Variants in SIL1 observed in about 807,000 individuals in gnomAD.
The protein encoded by SIL1 is nucleotide exchange factor SIL1.
A neutral mutation model predicts 49.1 loss-of-function variants in SIL1; 40 were observed. The ratio of observed to expected loss-of-function variants is 0.81; its 90% confidence interval spans 0.63 to 1.06. The LOEUF is 1.06. Ranked by LOEUF, SIL1 falls within the 50% of genes least tolerant of loss-of-function variation. The probability of loss-of-function intolerance (pLI) is 0.00; values close to 1 mark genes in which losing one functional copy is unlikely to be tolerated. For synonymous variants in SIL1, 253 were observed against 250.8 expected (o/e 1.01, Z -0.08); for missense variants, 500 against 572.6 (o/e 0.87, Z 1.29).
At chr5:138,950,431 G>A (rs1483378569) in intron 9 of SIL1, among the ~76,000 whole-genome samples, 1 of 152,236 alleles carries the variant, frequency 6.6e-6, no homozygotes, top group Non-Finnish European at 1.5e-5. Context: ...GAGAAGGCCT[G>A]GGGGAGGCGT....
At chr5:139,139,038 T>G (rs1751030366) in intron 1 of SIL1, among the ~76,000 whole-genome samples, 1 of 152,144 alleles carries the variant, frequency 6.6e-6, no homozygotes, top group East Asian at 1.9e-4. Context: ...CAGGCCTGTC[T>G]CCAAATTCCT....
chr5:139,082,570 T>G (rs1428678509), intron 3 of SIL1, among the ~76,000 whole-genome samples: 1 of 152,198 alleles, frequency 6.6e-6, no homozygotes, highest in African/African-American at 2.4e-5. Context: ...GAGAAATTGG[T>G]GGAGACTGGT....
Position 138,951,835 on chromosome 5 carries a change from G to A in SIL1, c.817C>T (p.Leu273=). The A allele has an allele frequency of 1.2e-6, 2 of 1,614,088 alleles. No individual in the cohort carries two copies. Among genetic ancestry groups the A allele is most frequent in the Non-Finnish European group, 1.7e-6 (2 of 1,180,040 alleles). The change falls in exon 8 of 10, where the codon CTG becomes TTG. Residue 273 remains leucine, a synonymous_variant. Transcript: ENST00000394817. The stretch of plus-strand genomic sequence containing the variant: ...TGCTCCGTGGCCAGGATGACCAGCA[G>A]CTTCTGCAGGGCTCCCCCTTCGATG... ...EAIEGGALQK[L]LVILATEQPL...
chr5:139,110,080 A>C (rs1770809660), intron 3 of SIL1, among the ~76,000 whole-genome samples: 1 of 151,874 alleles, frequency 6.6e-6, no homozygotes. Flanking sequence ...GAGGCAGGAG[A>C]ATTGCTTGAA....
chr5:139,008,537 C>T (rs1403105188), intron 7 of SIL1, among the ~76,000 whole-genome samples: 2 of 143,608 alleles, frequency 1.4e-5, no homozygotes, highest in Middle Eastern at 6.5e-3. Context: ...TTTTCTAGTT[C>T]TTTTAATTGT....
chr5:138,969,955 G>A (rs1767235164), intron 7 of SIL1, among the ~76,000 whole-genome samples: 1 of 152,144 alleles, frequency 6.6e-6, no homozygotes, highest in Admixed American at 6.5e-5. Flanking sequence ...GGGCACAAGG[G>A]GACAGCTTGA....
intron 3 of SIL1, among the ~76,000 whole-genome samples, chr5:139,068,655 G>GAAAAAAAAAAA (rs745799045): frequency 4.6e-5 from 3 of 64,822 alleles, no homozygotes; most frequent in Admixed American, 1.8e-4. Flanking sequence ...GAATGAAAAG[G>GAAAAAAAAAAA]AAAAAAAAAA....
At chr5:139,068,016 A>G (rs1769744541) in intron 3 of SIL1, among the ~76,000 whole-genome samples, 1 of 152,242 alleles carries the variant, frequency 6.6e-6, no homozygotes, top group South Asian at 2.1e-4. Flanking sequence ...GTCTTCAACA[A>G]AAAAGAGGGA....
At chr5:139,160,970 G>A (rs369742500) in intron 1 of SIL1, among the ~76,000 whole-genome samples, 29 of 152,180 alleles carry the variant, frequency 1.9e-4, no homozygotes, top group African/African-American at 4.3e-4. Flanking sequence ...CAGGCTGGGC[G>A]CGGTGGCTCA....
intron 7 of SIL1, among the ~76,000 whole-genome samples, chr5:138,991,556 C>CT (rs1421114659): frequency 6.6e-6 from 1 of 152,252 alleles, no homozygotes; most frequent in Admixed American, 6.5e-5. Flanking sequence ...AAGACTCCCC[C>CT]AGCAGGCCTT....
chr5:139,088,517 T>A (rs537803786), intron 3 of SIL1, among the ~76,000 whole-genome samples: 2 of 152,308 alleles, frequency 1.3e-5, no homozygotes, highest in Admixed American at 1.3e-4. Context: ...GGGGCAATAA[T>A]GGGAAGAGTC....
At chr5:138,983,550 T>C (rs961537392) in intron 7 of SIL1, among the ~76,000 whole-genome samples, 39 of 149,722 alleles carry the variant, frequency 2.6e-4, no homozygotes, top group African/African-American at 9.1e-4. Context: ...ACCCACCTAG[T>C]AGTCCAGAGG....
chr5:139,098,959 G>A (rs1211864542), intron 3 of SIL1, among the ~76,000 whole-genome samples: 1 of 151,674 alleles, frequency 6.6e-6, no homozygotes, highest in Non-Finnish European at 1.5e-5. Flanking sequence ...TGGGATTACA[G>A]GCACCCACCA....
chr5:138,976,975 C>T (rs1197534781), intron 7 of SIL1, among the ~76,000 whole-genome samples: 1 of 152,182 alleles, frequency 6.6e-6, no homozygotes, highest in African/African-American at 2.4e-5. Flanking sequence ...CACACAGCTT[C>T]TCAAGAGCTA....
At chr5:139,020,314 TA>T (rs1281821184) in intron 7 of SIL1, among the ~76,000 whole-genome samples, 1 of 152,196 alleles carries the variant, frequency 6.6e-6, no homozygotes, top group African/African-American at 2.4e-5. Context: ...GATTCTGATT[TA>T]AAAAACAAGC....
At chr5:138,981,787 C>T (rs1218590051) in intron 7 of SIL1, among the ~76,000 whole-genome samples, 1 of 152,194 alleles carries the variant, frequency 6.6e-6, no homozygotes, top group African/African-American at 2.4e-5. Flanking sequence ...AGCACTTGCT[C>T]TCCCACGCTC....
chr5:139,032,596 C>A (rs139640438), intron 5 of SIL1, among the ~76,000 whole-genome samples: 1 of 152,120 alleles, frequency 6.6e-6, no homozygotes, highest in Non-Finnish European at 1.5e-5. Context: ...GGAAGTGTTC[C>A]TCCCTCTTAC....
chr5:139,125,248 A>C (rs541313151), intron 2 of SIL1, among the ~76,000 whole-genome samples: 2 of 152,202 alleles, frequency 1.3e-5, no homozygotes, highest in Non-Finnish European at 2.9e-5. Flanking sequence ...GCTGCCTTCC[A>C]CGCTGGATCA....
At chr5:139,085,226 A>T (rs748600472) in intron 3 of SIL1, among the ~76,000 whole-genome samples, 5 of 152,166 alleles carry the variant, frequency 3.3e-5, no homozygotes, top group Non-Finnish European at 7.4e-5. Context: ...GGGGAAACAG[A>T]AGCAGTCCCA....
Sources: allele counts gnomAD v4.1 joint callset (sites outside exome capture counted in the v4.1 genomes callset), GRCh38; gene constraint gnomAD v4.1.1; transcripts MANE v1.5; gene names NCBI Gene and HGNC (gene_info 2026-07-23, HGNC 2026-07-21).